PCNA: variants seen among roughly 807,000 people sequenced by gnomAD.
The protein encoded by PCNA is proliferating cell nuclear antigen, also known as DNA sliding clamp PCNA.
A neutral mutation model predicts 27.8 loss-of-function variants in PCNA; 4 were observed. The observed-to-expected ratio is 0.14, with a 90% confidence interval of 0.07 to 0.33. The LOEUF (loss-of-function observed/expected upper bound fraction) is 0.33, where lower values mean the gene tolerates loss of function less well. Among genes scored for constraint, PCNA ranks in the 10% least tolerant of loss-of-function variants. The pLI is 1.00. For synonymous variants in PCNA, 121 were observed against 119.4 expected (o/e 1.01, Z -0.09); for missense variants, 165 against 327.4 (o/e 0.50, Z 3.83).
upstream of PCNA, among the ~76,000 whole-genome samples, chr20:5,123,404 G>C (rs558597697): frequency 6.6e-6 from 1 of 152,210 alleles, no homozygotes; most frequent in African/African-American, 2.4e-5. Context: ...AAAAGCTGTA[G>C]ACTTTTCTGG....
intron 3 of PCNA, 42 bp downstream of exon 3, chr20:5,118,568 G>T: frequency 1.5e-6 from 2 of 1,307,084 alleles, no homozygotes; most frequent in Non-Finnish European, 2.2e-6. Flanking sequence ...TAACTATCGT[G>T]CCTGTGTACA....
chr20:5,115,251 C>A lies in PCNA; in HGVS notation c.*32G>T. 1 of 1,546,966 alleles carries A rather than the reference C, an allele frequency of 6.5e-7. No homozygotes were observed. The highest frequency in any genetic ancestry group is 1.1e-5 in the South Asian group (1 of 89,308). Reference sequence around the variant, plus strand: ...CATCTTAGAAGCAGTTCTCAAAGAGCTTAGTTTTATTTTCTTGAATTTTAA... The same window carrying A: ...CATCTTAGAAGCAGTTCTCAAAGAGATTAGTTTTATTTTCTTGAATTTTAA... On this transcript the variant is annotated 3_prime_UTR_variant, in exon 6 of 6. Coordinates refer to ENST00000379143, the MANE Select transcript of PCNA (RefSeq NM_182649.2).
chr20:5,117,871 CTCCTCA>C (rs1315013769), intron 3 of PCNA, among the ~76,000 whole-genome samples: 2 of 152,228 alleles, frequency 1.3e-5, no homozygotes, highest in Admixed American at 6.5e-5. Context: ...GAGCCTCCTC[CTCCTCA>C]TCCTCCAGGG....
chr20:5,119,517 C>T (rs2090501138), intron 1 of PCNA, 61 bp downstream of exon 1: 1 of 1,410,470 alleles, frequency 7.1e-7, no homozygotes, highest in Non-Finnish European at 9.8e-7. Flanking sequence ...CGAAAGCGCT[C>T]CCGCCAAGCA....
chr20:5,120,146 C>A, upstream of PCNA: 1 of 284,968 alleles, frequency 3.5e-6, no homozygotes, highest in South Asian at 3.2e-5. Flanking sequence ...CAGGTCTCCC[C>A]GCCTCTTTGA....
upstream of PCNA, among the ~76,000 whole-genome samples, chr20:5,121,012 G>A (rs2090514849): frequency 6.6e-6 from 1 of 151,852 alleles, no homozygotes; most frequent in Non-Finnish European, 1.5e-5. Context: ...TAGTAGAGAC[G>A]GGGTTTCACC....
chr20:5,119,530 G>T (rs746605765), intron 1 of PCNA, 48 bp downstream of exon 1: 1 of 1,482,884 alleles, frequency 6.7e-7, no homozygotes, highest in Non-Finnish European at 9.3e-7. Context: ...GCCAAGCACC[G>T]GAGGTGCAGG....
At position 5,115,023 on chromosome 20, in the gene PCNA, C is replaced by A; in HGVS notation, c.*260G>T. Reference sequence around the variant, plus strand: ...CTTAAAACTGCATTTAGAGTCAAGACCCTTTTGTATTATAAAAATCACAAG... The same window carrying A: ...CTTAAAACTGCATTTAGAGTCAAGAACCTTTTGTATTATAAAAATCACAAG... On this transcript the variant is annotated 3_prime_UTR_variant, in exon 6 of 6. Coordinates refer to ENST00000379143, the MANE Select transcript of PCNA (RefSeq NM_182649.2). 1.2e-5 allele frequency: 4 copies of A among 323,262 alleles called. No individual in the cohort carries two copies. The South Asian group carries it at 1.7e-4, about 14-fold the overall frequency. 20.0% of individuals were successfully genotyped at this position (323,262 alleles called of 1,614,324 possible).
intron 5 of PCNA, 37 bp downstream of exon 5, chr20:5,115,412 A>C: frequency 6.2e-7 from 1 of 1,613,744 alleles, no homozygotes; most frequent in Non-Finnish European, 8.5e-7. Context: ...ATCACATATG[A>C]CTACCTACAA....
chr20:5,124,890 C>T (rs1331307972), upstream of PCNA, among the ~76,000 whole-genome samples: 1 of 152,190 alleles, frequency 6.6e-6, no homozygotes, highest in Non-Finnish European at 1.5e-5. Flanking sequence ...GACTTATGTG[C>T]ATTGATTCTC....
At position 5,115,528 on chromosome 20, in the gene PCNA, C is replaced by T. The variant is rs140345543; in HGVS notation, c.627G>A (p.Leu209=). Residue 209 remains leucine (L), a synonymous_variant, in exon 5 of 6, where the codon CTG becomes CTA. Transcript: ENST00000379143. The stretch of plus-strand genomic sequence containing the variant: ...CTTTTGTAAAGAAGTTCAGGTACCT[C>T]AGTGCAAAAGTTAGTTGAACTGGTT... ...MNEPVQLTFA[L]RYLNFFTKAT... The T allele has an allele frequency of 5.5e-5, 89 of 1,613,906 alleles. No homozygotes were observed. In the African/African-American group the frequency reaches 1.1e-3, roughly 20 times the overall value.
chr20:5,118,528 T>C (rs534062260), intron 3 of PCNA, 82 bp downstream of exon 3: 9 of 1,020,320 alleles, frequency 8.8e-6, no homozygotes, highest in African/African-American at 1.6e-5. Flanking sequence ...CAAGACCCTG[T>C]CTGTAAAAAT....
At chr20:5,121,011 C>T (rs964097673), upstream of PCNA, among the ~76,000 whole-genome samples, 3 of 151,806 alleles carry the variant, frequency 2.0e-5, no homozygotes, top group East Asian at 1.9e-4. Flanking sequence ...TTAGTAGAGA[C>T]GGGGTTTCAC....
chr20:5,122,067 C>T (rs1034034130), upstream of PCNA, among the ~76,000 whole-genome samples: 2 of 151,750 alleles, frequency 1.3e-5, no homozygotes, highest in South Asian at 2.1e-4. Flanking sequence ...CCGCAATCTC[C>T]GCCTCCTGGG....
chr20:5,120,408 G>A (rs1408651384), upstream of PCNA, among the ~76,000 whole-genome samples: 1 of 152,220 alleles, frequency 6.6e-6, no homozygotes, highest in Non-Finnish European at 1.5e-5. Flanking sequence ...GCGCTCGTAG[G>A]TGTCACAAGA....
At chr20:5,124,860 G>A (rs4239760), upstream of PCNA, among the ~76,000 whole-genome samples, 152,096 of 152,310 alleles carry the variant, frequency 1, 75,942 homozygotes, top group Middle Eastern at 1. Context: ...TAGTAATCAT[G>A]CTGTGCATTC....
intron 3 of PCNA, among the ~76,000 whole-genome samples, chr20:5,117,884 A>G (rs1193865036): frequency 6.6e-6 from 1 of 152,254 alleles, no homozygotes; most frequent in Non-Finnish European, 1.5e-5. Context: ...CTCATCCTCC[A>G]GGGATAAAGT....
upstream of PCNA, among the ~76,000 whole-genome samples, chr20:5,120,361 G>C (rs1222764194): frequency 1.3e-5 from 2 of 152,206 alleles, no homozygotes; most frequent in Admixed American, 6.5e-5. Flanking sequence ...TACAGCTGCT[G>C]CAAATATGCA....
At chr20:5,123,206 G>A (rs1054221208), upstream of PCNA, among the ~76,000 whole-genome samples, 1 of 152,194 alleles carries the variant, frequency 6.6e-6, no homozygotes. Flanking sequence ...AGGCTGGGGT[G>A]AGCTCTTGCA....
Sources: allele counts gnomAD v4.1 joint callset (sites outside exome capture counted in the v4.1 genomes callset), GRCh38; gene constraint gnomAD v4.1.1; transcripts MANE v1.5; gene names NCBI Gene and HGNC (gene_info 2026-07-23, HGNC 2026-07-21).